The following EPB41L5 variants were observed in gnomAD, a reference collection of about 807,000 sequenced individuals.
The protein encoded by EPB41L5 is erythrocyte membrane protein band 4.1 like 5.
In EPB41L5, 55 loss-of-function variants were observed where a neutral mutation model predicts 106.6. The observed-to-expected ratio is 0.52, with a 90% CI of 0.42 to 0.65. The LOEUF (loss-of-function observed/expected upper bound fraction) is 0.65. EPB41L5 is among the 30% of genes least tolerant of loss of function. The pLI is 0.00. For synonymous variants in EPB41L5, 297 were observed against 306.7 expected, an observed-to-expected ratio of 0.97 and a Z score of 0.33; for missense variants, 871 against 882.1, an observed-to-expected ratio of 0.99 and a Z score of 0.16.
At chr2:120,098,156 T>TTGTGTGTGTGTGTGTGTG (rs60975047) in intron 14 of EPB41L5, among the ~76,000 whole-genome samples, 22,589 of 133,394 alleles carry the variant, frequency 0.17, 2,150 homozygotes, top group Admixed American at 0.19. Context: ...ATTGTTTGTT[T>TTGTGTGTGTGTGTGTGTG]TGTGTGTGTG....
intron 24 of EPB41L5, among the ~76,000 whole-genome samples, chr2:120,173,625 A>G (rs1464332339): frequency 6.6e-6 from 1 of 152,158 alleles, no homozygotes; most frequent in Non-Finnish European, 1.5e-5. Flanking sequence ...AAATCTTGTT[A>G]CCACTTTCAA....
chr2:120,071,131 T>A (rs1233307424), intron 3 of EPB41L5, among the ~76,000 whole-genome samples: 2 of 152,178 alleles, frequency 1.3e-5, no homozygotes, highest in African/African-American at 4.8e-5. Flanking sequence ...ATAAGTAACT[T>A]CAGCAAAGTC....
chr2:120,105,316 A>G (rs554886778), intron 16 of EPB41L5: 9 of 957,104 alleles, frequency 9.4e-6, no homozygotes, highest in East Asian at 1.2e-4. Flanking sequence ...AACTATGTAC[A>G]TAGAAATTTA....
intron 17 of EPB41L5, among the ~76,000 whole-genome samples, chr2:120,129,527 T>C (rs1343315229): frequency 6.6e-6 from 1 of 152,220 alleles, no homozygotes; most frequent in Non-Finnish European, 1.5e-5. Flanking sequence ...ATTGATTTTA[T>C]TTACATTCCA....
At chr2:120,042,251 C>T (rs954252056) in intron 3 of EPB41L5, 141 bp downstream of exon 3, 3 of 538,210 alleles carry the variant, frequency 5.6e-6, no homozygotes, top group Non-Finnish European at 9.7e-6. Context: ...CCCCCCACCT[C>T]CTTGCTTTAG....
At chr2:120,015,339 A>G (rs1268584991) in intron 1 of EPB41L5, among the ~76,000 whole-genome samples, 4 of 150,022 alleles carry the variant, frequency 2.7e-5, no homozygotes, top group Non-Finnish European at 5.9e-5. Context: ...AAAAAAAATT[A>G]GGTGGGGTCT....
rs958982286 is a variant in EPB41L5 at position 120,093,252 on chromosome 2, G to A, written c.1154G>A (p.Cys385Tyr). Residue 385 changes from cysteine to tyrosine, a missense_variant, in exon 14 of 25, where the codon TGT becomes TAT. Physicochemically the swap from Cys to Tyr is radical, Grantham distance 194. Coordinates refer to ENST00000263713, the MANE Select transcript of EPB41L5 (RefSeq NM_020909.4). ...GTTATCTTTTTTCTTCTGTTAGCAT[G>A]TGCTACAAAACCTGAAGAACTTAGG... ...YSRRTLQMKA[C>Y]ATKPEELSVH... 1 of 1,613,536 alleles carries A rather than the reference G, an allele frequency of 6.2e-7. No individual in the cohort carries two copies. The highest frequency in any genetic ancestry group is 1.1e-5 in the South Asian group (1 of 91,070).
intron 19 of EPB41L5, among the ~76,000 whole-genome samples, chr2:120,143,553 C>A (rs78241639): frequency 6.6e-6 from 1 of 152,068 alleles, no homozygotes; most frequent in African/African-American, 2.4e-5. Flanking sequence ...ATGAGAGATG[C>A]GGCAGCCTTG....
rs1687880049 is a variant in EPB41L5 at position 120,175,245 on chromosome 2, CAA to C, written c.*339_*340del. 3 of 237,310 alleles carry C rather than the reference CAA, an allele frequency of 1.3e-5. No individual in the cohort carries two copies. The South Asian group carries it at 2.1e-4, about 16-fold the overall frequency. The allele number at this position is 237,310 out of a possible 1,614,324, so 14.7% of individuals were successfully genotyped here. A position where few individuals can be genotyped will look rare whatever the true frequency, so the allele number is the denominator to read the frequency against. On this transcript the variant is annotated 3_prime_UTR_variant, in exon 25 of 25. Transcript: ENST00000263713. ...CTATTTGTTCATAACAACTTCATAA[CAA>C]GCCTGCCTCTGGTAGTCAACAGCCT...
chr2:120,105,300 T>A, intron 16 of EPB41L5: 1 of 962,466 alleles, frequency 1.0e-6, no homozygotes, highest in African/African-American at 1.8e-5. Context: ...AATTTTCAAA[T>A]TTTTAAACTA....
chr2:120,050,605 ATCC>A (rs1416584801), intron 3 of EPB41L5, among the ~76,000 whole-genome samples: 1 of 152,202 alleles, frequency 6.6e-6, no homozygotes, highest in East Asian at 1.9e-4. Context: ...GGGTTCGAAC[ATCC>A]TCCTTTAGCT....
rs908229525 is a variant in EPB41L5, at chr2:120,176,957, T to C, written c.*2050T>C. 5 of 152,214 alleles carry C rather than the reference T, an allele frequency of 3.3e-5. No individual in the cohort carries two copies. The highest frequency in any genetic ancestry group is 1.2e-4 in the African/African-American group (5 of 41,450). The allele number at this position is 152,214 out of a possible 1,614,324, so 9.4% of individuals were successfully genotyped here. On this transcript the variant is annotated 3_prime_UTR_variant, in exon 25 of 25. Coordinates refer to ENST00000263713, the MANE Select transcript of EPB41L5 (RefSeq NM_020909.4). ...ACAGTTAGAATATTGGTAGGGACTT[T>C]GTTAAAATTCACTTGAATTTCAAGC... is the stretch of plus-strand genomic sequence containing the variant.
intron 1 of EPB41L5, among the ~76,000 whole-genome samples, chr2:120,016,168 G>A (rs919221574): frequency 2.6e-5 from 4 of 152,070 alleles, no homozygotes; most frequent in South Asian, 4.1e-4. Flanking sequence ...GGTGGCTTAC[G>A]CCTGTAATCC....
chr2:120,107,635 C>G (rs571695541), intron 16 of EPB41L5, among the ~76,000 whole-genome samples: 1 of 152,140 alleles, frequency 6.6e-6, no homozygotes, highest in Non-Finnish European at 1.5e-5. Context: ...TGTGATTTGT[C>G]AGATCCTTTC....
At position 120,077,242 on chromosome 2, in the gene EPB41L5, G is replaced by T; in HGVS notation, c.640G>T (p.Ala214Ser). Residue 214 changes from alanine to serine, a missense_variant, in exon 9 of 25, where the codon GCA becomes TCA. Coordinates refer to ENST00000263713, the MANE Select transcript of EPB41L5 (RefSeq NM_020909.4). Reference sequence around the variant, plus strand: ...TTTAAATTTCAGAGGTCAAACACCAGCACAGGCTGAAACCAATTATCTGAA... The same window carrying T: ...TTTAAATTTCAGAGGTCAAACACCATCACAGGCTGAAACCAATTATCTGAA... Reference protein sequence around the residue: ...KWKEYRGQTPAQAETNYLNKA... With the variant: ...KWKEYRGQTPSQAETNYLNKA... 6.2e-7 allele frequency: 1 copy of T among 1,610,442 alleles called. No homozygotes were observed. The highest frequency in any genetic ancestry group is 8.5e-7 in the Non-Finnish European group (1 of 1,177,884).
At chr2:120,040,783 G>C (rs1679355537) in intron 2 of EPB41L5, among the ~76,000 whole-genome samples, 1 of 152,132 alleles carries the variant, frequency 6.6e-6, no homozygotes, top group Non-Finnish European at 1.5e-5. Context: ...TCAAGTTCTT[G>C]ATGAAAGGAA....
chr2:120,053,299 TTTAG>T (rs1010884041), intron 3 of EPB41L5, among the ~76,000 whole-genome samples: 4 of 152,144 alleles, frequency 2.6e-5, no homozygotes, highest in African/African-American at 9.7e-5. Context: ...AGGAGTTGGT[TTTAG>T]TTAGCATGAC....
At position 120,111,248 on chromosome 2, in the gene EPB41L5, G is replaced by C. The variant is rs566355162; in HGVS notation, c.1337+10434G>C. Among the ~76,000 whole-genome samples the C allele has an allele frequency of 1.9e-4, 29 of 152,328 alleles. No homozygotes were observed. The South Asian group carries it at 6.0e-3, about 32-fold the overall frequency. ...TTCACATGATTAGTTTGAGGCCACG[G>C]ATTTGGGAGAAAATACTGCAGAAGT... is the stretch of plus-strand genomic sequence containing the variant. On this transcript the variant is annotated intron_variant, in intron 16 of 24. Coordinates refer to ENST00000263713, the MANE Select transcript of EPB41L5 (RefSeq NM_020909.4).
At chr2:120,143,267 G>A (rs1686263599) in intron 19 of EPB41L5, 136 bp downstream of exon 19, 1 of 1,042,758 alleles carries the variant, frequency 9.6e-7, no homozygotes, top group Non-Finnish European at 1.3e-6. Context: ...GAGTAAAGAT[G>A]CTCAGGGGGA....
Sources: allele counts gnomAD v4.1 joint callset (sites outside exome capture counted in the v4.1 genomes callset), GRCh38; gene constraint gnomAD v4.1.1; transcripts MANE v1.5; gene names NCBI Gene and HGNC (gene_info 2026-07-23, HGNC 2026-07-21).